FBXW4: variants seen among roughly 807,000 people sequenced by gnomAD.
FBXW4 encodes F-box/WD repeat-containing protein 4.
FBXW4 carries 40 observed loss-of-function variants against 61.8 expected under a neutral mutation model. That is an observed-to-expected ratio of 0.65 (90% confidence interval 0.50 to 0.84). The LOEUF is 0.84. Ranked by LOEUF, FBXW4 falls within the 40% of genes least tolerant of loss-of-function variation. FBXW4 has a pLI of 0.00. For missense variants in FBXW4, 672 were observed against 753.8 expected, an observed-to-expected ratio of 0.89 and a Z score of 1.27; for synonymous variants, 311 against 313.8, an observed-to-expected ratio of 0.99 and a Z score of 0.10.
chr10:101,629,832 TTGAA>T (rs552410374), intron 5 of FBXW4, among the ~76,000 whole-genome samples: 4 of 151,860 alleles, frequency 2.6e-5, no homozygotes, highest in East Asian at 1.9e-4. Context: ...TGCTTATTGA[TTGAA>T]TGAATGAATG....
intron 3 of FBXW4, 32 bp from the exon 4 acceptor site, chr10:101,673,079 A>G (rs2064373799): frequency 6.2e-7 from 1 of 1,603,546 alleles, no homozygotes. Flanking sequence ...GACCCCCAAG[A>G]ACCAATTATT....
intron 5 of FBXW4, among the ~76,000 whole-genome samples, chr10:101,654,061 C>A (rs910537335): frequency 7.0e-6 from 1 of 141,946 alleles, no homozygotes; most frequent in African/African-American, 2.6e-5. Context: ...GCGGAAGTTG[C>A]AGTGAGCCGA....
chr10:101,667,167 C>T (rs1167242149), intron 5 of FBXW4, among the ~76,000 whole-genome samples: 1 of 149,350 alleles, frequency 6.7e-6, no homozygotes, highest in African/African-American at 2.5e-5. Context: ...GGAGGCAGAG[C>T]TTGCAGTGAG....
chr10:101,643,211 T>C (rs1054041104), intron 5 of FBXW4, among the ~76,000 whole-genome samples: 1 of 152,220 alleles, frequency 6.6e-6, no homozygotes, highest in African/African-American at 2.4e-5. Flanking sequence ...TTGTAATGAT[T>C]AGCGTATCTA....
rs560966094 is a variant in FBXW4, at chr10:101,694,600, GCCTCCTCCT to G, written c.497_505del (p.Glu166_Glu168del). On this transcript the variant is annotated inframe_deletion, in exon 1 of 9. Coordinates refer to ENST00000331272, the MANE Select transcript of FBXW4 (RefSeq NM_022039.4). The surrounding 1 kb of genome is among the most constrained non-coding windows in gnomAD (Gnocchi z 6.0). ...CGGGCGGGCAGCCGACTCCCGAGCC[GCCTCCTCCT>G]CCTCCTCCTCCTCCCCGGCCGCCGC... 3.5e-6 allele frequency: 5 copies of G among 1,426,168 alleles called. No homozygotes were observed. The highest frequency in any genetic ancestry group is 2.7e-5 in the Admixed American group (1 of 36,776). The allele number at this position is 1,426,168 out of a possible 1,614,324, so 88.3% of individuals were successfully genotyped here.
At position 101,694,794 on chromosome 10, in the gene FBXW4, C is replaced by T. The variant is rs2064659030; in HGVS notation, c.312G>A (p.Gly104=). The T allele has an allele frequency of 1.3e-5, 17 of 1,339,138 alleles. No homozygotes were observed. The highest frequency in any genetic ancestry group is 1.5e-5 in the Non-Finnish European group (16 of 1,051,396). The allele number at this position is 1,339,138 out of a possible 1,614,324, so 83.0% of individuals were successfully genotyped here. A position where few individuals can be genotyped will look rare whatever the true frequency, so the allele number is the denominator to read the frequency against. The part of the protein sequence containing the change: ...GARGIVKGVE[G]SAGAGKEAQG... ...GTGCCTCCTTCCCGGCCCCTGCGCT[C>T]CCCTCGACTCCCTTGACGATGCCTC... The change falls in exon 1 of 9, where the codon GGG becomes GGA. Residue 104 remains glycine (G), a synonymous_variant. Transcript: ENST00000331272. The surrounding 1 kb of genome is among the most constrained non-coding windows in gnomAD (Gnocchi z 6.0).
intron 1 of FBXW4, among the ~76,000 whole-genome samples, chr10:101,677,126 T>C (rs1343874801): frequency 6.6e-6 from 1 of 152,168 alleles, no homozygotes; most frequent in African/African-American, 2.4e-5. Flanking sequence ...GTACAGCCAT[T>C]TTGGGAAAAG....
Position 101,611,909 on chromosome 10 carries a change from T to A in FBXW4, c.1443-140A>T. Reference sequence around the variant, plus strand: ...GAGAAAGAAGCCTAAATCATCAGATTCATCAAAAACCGAACTTCATGGGAG... The same window carrying A: ...GAGAAAGAAGCCTAAATCATCAGATACATCAAAAACCGAACTTCATGGGAG... On this transcript the variant is annotated intron_variant, in intron 7 of 8. Transcript: ENST00000331272. This position sits in a 1 kb window ranked among gnomAD's most constrained non-coding sequence, Gnocchi z 4.9. 9.0e-7 allele frequency: 1 copy of A among 1,108,114 alleles called. No homozygotes were observed. The highest frequency in any genetic ancestry group is 1.2e-6 in the Non-Finnish European group (1 of 801,314). The allele number at this position is 1,108,114 out of a possible 1,614,324, so 68.6% of individuals were successfully genotyped here.
chr10:101,682,507 T>C (rs1341395137), intron 1 of FBXW4, among the ~76,000 whole-genome samples: 2 of 152,226 alleles, frequency 1.3e-5, no homozygotes, highest in Admixed American at 6.5e-5. Context: ...GTTATATCTC[T>C]TCTCTTGAAT....
intron 1 of FBXW4, among the ~76,000 whole-genome samples, chr10:101,689,361 A>G (rs1030510109): frequency 1.3e-5 from 2 of 152,224 alleles, no homozygotes; most frequent in Non-Finnish European, 2.9e-5. Context: ...GGCTTCTTCC[A>G]TTCTTCCAGT....
At position 101,611,550 on chromosome 10, in the gene FBXW4, G is replaced by GCTAC; in HGVS notation, c.1584+74_1584+77dup. On this transcript the variant is annotated intron_variant, in intron 8 of 8. Transcript: ENST00000331272. This position sits in a 1 kb window ranked among gnomAD's most constrained non-coding sequence, Gnocchi z 4.9. ...CCAACCCTTTCTAGGCACGTCCTTGGCTACCTCACCCTCTCCCAAATGCAG... is the reference window on the plus strand; with the variant it reads ...CCAACCCTTTCTAGGCACGTCCTTGGCTACCTACCTCACCCTCTCCCAAATGCAG... 1 of 1,585,382 alleles carries GCTAC rather than the reference G, an allele frequency of 6.3e-7. No homozygotes were observed. The highest frequency in any genetic ancestry group is 8.6e-7 in the Non-Finnish European group (1 of 1,161,876).
Position 101,666,525 on chromosome 10 carries a change from C to T in FBXW4, c.1235+1361G>A, listed in dbSNP as rs181797338. 3.9e-5 allele frequency among the ~76,000 whole-genome samples: 6 copies of T among 152,220 alleles called. No homozygotes were observed. The East Asian group carries it at 1.2e-3, about 29-fold the overall frequency. On this transcript the variant is annotated intron_variant, in intron 5 of 8. Transcript: ENST00000331272. ...AAGGGCCTAAACGAAGTGGGTAGGACCAAGTCTCTTATAAAATAAGCAACT... is the reference window on the plus strand; with the variant it reads ...AAGGGCCTAAACGAAGTGGGTAGGATCAAGTCTCTTATAAAATAAGCAACT...
intron 5 of FBXW4, among the ~76,000 whole-genome samples, chr10:101,663,370 G>A (rs1191235600): frequency 6.6e-6 from 1 of 152,246 alleles, no homozygotes; most frequent in African/African-American, 2.4e-5. Context: ...GAGAAGGGAA[G>A]AGATGGAAAG....
intron 6 of FBXW4, among the ~76,000 whole-genome samples, chr10:101,622,512 G>A (rs1411468094): frequency 6.6e-6 from 1 of 152,138 alleles, no homozygotes; most frequent in East Asian, 1.9e-4. Context: ...CTGATCACGA[G>A]GTCAGGAGAT....
intron 5 of FBXW4, among the ~76,000 whole-genome samples, chr10:101,636,681 G>T (rs114280213): frequency 6.6e-6 from 1 of 151,400 alleles, no homozygotes; most frequent in Non-Finnish European, 1.5e-5. Context: ...TCTGCCTCCC[G>T]GAATCAAGCA....
At chr10:101,656,287 T>A (rs2064184621) in intron 5 of FBXW4, among the ~76,000 whole-genome samples, 1 of 152,154 alleles carries the variant, frequency 6.6e-6, no homozygotes, top group African/African-American at 2.4e-5. Context: ...GCTTATCCTA[T>A]TGGCCAGTAT....
At chr10:101,623,361 A>G (rs1474623946) in intron 6 of FBXW4, among the ~76,000 whole-genome samples, 3 of 152,220 alleles carry the variant, frequency 2.0e-5, no homozygotes. Context: ...CAGCCTTGGC[A>G]ATATAATGAG....
chr10:101,658,184 G>A (rs1041587596), intron 5 of FBXW4, among the ~76,000 whole-genome samples: 37 of 152,252 alleles, frequency 2.4e-4, no homozygotes, highest in African/African-American at 6.7e-4. Context: ...ATGTACTGCC[G>A]CTTGGAAGTC....
chr10:101,670,573 C>T (rs1426290223), intron 4 of FBXW4, among the ~76,000 whole-genome samples: 1 of 152,234 alleles, frequency 6.6e-6, no homozygotes, highest in East Asian at 1.9e-4. Context: ...TAGCCACTTC[C>T]AATCAGCTCC....
Sources: gnomAD v4.1 joint callset for allele counts (sites outside exome capture counted in the v4.1 genomes callset) on GRCh38, gnomAD v4.1.1 for gene constraint, Gnocchi (gnomAD v3.1) non-coding constraint, MANE v1.5 for transcripts, NCBI Gene and HGNC (gene_info 2026-07-23, HGNC 2026-07-21) for gene names.